ANO6: variants seen among roughly 807,000 people sequenced by gnomAD.
ANO6 encodes anoctamin-6.
A neutral mutation model predicts 117.5 loss-of-function variants in ANO6; 106 were observed. That is an observed-to-expected ratio of 0.90 (90% CI 0.77 to 1.06). ANO6 has a LOEUF of 1.06. ANO6 is among the 50% of genes least tolerant of loss of function. The pLI is 0.00. For missense variants in ANO6, 955 were observed against 1,121.1 expected, an observed-to-expected ratio of 0.85 and a Z score of 2.12; for synonymous variants, 367 against 385.1, an observed-to-expected ratio of 0.95 and a Z score of 0.55.
At chr12:45,275,071 A>G (rs1938510666) in intron 1 of ANO6, among the ~76,000 whole-genome samples, 1 of 151,876 alleles carries the variant, frequency 6.6e-6, no homozygotes, top group South Asian at 2.1e-4. Flanking sequence ...GGTGCTCGAT[A>G]AGTTGTATGA....
At chr12:45,294,077 G>T (rs1195053922) in intron 1 of ANO6, among the ~76,000 whole-genome samples, 1 of 152,096 alleles carries the variant, frequency 6.6e-6, no homozygotes, top group African/African-American at 2.4e-5. Flanking sequence ...ATGGGAATGT[G>T]CATTCCAGGT....
At chr12:45,377,954 A>G (rs1194266917) in intron 9 of ANO6, 99 bp from the exon 10 acceptor site, 1 of 1,180,144 alleles carries the variant, frequency 8.5e-7, no homozygotes, top group African/African-American at 1.5e-5. Context: ...CACCTTTGAA[A>G]AGAACTTCAA....
intron 7 of ANO6, among the ~76,000 whole-genome samples, chr12:45,354,200 G>A (rs564756854): frequency 8.3e-5 from 12 of 144,034 alleles, no homozygotes; most frequent in African/African-American, 3.5e-4. Context: ...AGCTCAGAAC[G>A]CTGGGGACAA....
At chr12:45,346,170 G>T (rs1168808918) in intron 3 of ANO6, among the ~76,000 whole-genome samples, 1 of 152,000 alleles carries the variant, frequency 6.6e-6, no homozygotes, top group Admixed American at 6.6e-5. Context: ...ATGATTTTTG[G>T]GGGACATATT....
intron 1 of ANO6, among the ~76,000 whole-genome samples, chr12:45,283,123 C>T (rs939278431): frequency 5.9e-5 from 9 of 152,140 alleles, no homozygotes; most frequent in African/African-American, 7.2e-5. Flanking sequence ...AACATCTTAA[C>T]GTACTTATGC....
intron 10 of ANO6, among the ~76,000 whole-genome samples, chr12:45,383,813 T>A (rs1244645407): frequency 6.6e-6 from 1 of 152,220 alleles, no homozygotes; most frequent in Non-Finnish European, 1.5e-5. Context: ...TTTCACATAA[T>A]TCTTAAAGGC....
intron 1 of ANO6, among the ~76,000 whole-genome samples, chr12:45,253,905 A>G (rs915314390): frequency 1.3e-5 from 2 of 152,240 alleles, no homozygotes; most frequent in Admixed American, 1.3e-4. Flanking sequence ...GTGGTGGCTC[A>G]TGCCTGTAAT....
chr12:45,241,982 T>A (rs1470626844), intron 1 of ANO6, among the ~76,000 whole-genome samples: 1 of 152,206 alleles, frequency 6.6e-6, no homozygotes, highest in African/African-American at 2.4e-5. Flanking sequence ...GGTTTCTGTC[T>A]GCCCCTACTG....
rs1396624226 is a variant in ANO6, at chr12:45,431,993, AAAC to A, written c.*2685_*2687del. The A allele has an allele frequency of 3.0e-5, 30 of 985,254 alleles. No homozygotes were observed. In the Middle Eastern group the frequency reaches 1.5e-3, roughly 51 times the overall value. The allele number at this position is 985,254 out of a possible 1,614,324, so 61.0% of individuals were successfully genotyped here. A position where few individuals can be genotyped will look rare whatever the true frequency, so the allele number is the denominator to read the frequency against. On this transcript the variant is annotated 3_prime_UTR_variant, in exon 20 of 20. Transcript: ENST00000320560. ...AAGCTATCATTTTTATTTTAAAACT[AAAC>A]AAGGCCATCTTATAAACTGTCACCA... is the stretch of plus-strand genomic sequence containing the variant.
chr12:45,239,611 C>G (rs990493191), intron 1 of ANO6, among the ~76,000 whole-genome samples: 2 of 151,720 alleles, frequency 1.3e-5, no homozygotes, highest in Non-Finnish European at 2.9e-5. Flanking sequence ...TTTGCTCTTG[C>G]TTCTCTAGTT....
intron 1 of ANO6, among the ~76,000 whole-genome samples, chr12:45,271,641 G>A (rs1015625): frequency 0.92 from 139,994 of 152,234 alleles, 65,538 homozygotes; most frequent in East Asian, 1. Context: ...TACTGGAAAA[G>A]TATTTTCAGA....
At chr12:45,221,579 C>G (rs1947400099) in intron 1 of ANO6, among the ~76,000 whole-genome samples, 1 of 152,106 alleles carries the variant, frequency 6.6e-6, no homozygotes, top group African/African-American at 2.4e-5. Flanking sequence ...ATTGGATTTG[C>G]TTTTGGAAAG....
intron 16 of ANO6, among the ~76,000 whole-genome samples, chr12:45,412,602 T>A (rs528851883): frequency 1.3e-5 from 2 of 152,314 alleles, no homozygotes; most frequent in African/African-American, 4.8e-5. Context: ...TTCGAGCCCA[T>A]CACCTGCCAT....
chr12:45,223,383 G>C (rs768704789), intron 1 of ANO6, among the ~76,000 whole-genome samples: 2 of 152,144 alleles, frequency 1.3e-5, no homozygotes, highest in Non-Finnish European at 2.9e-5. Flanking sequence ...AGAATTGATT[G>C]CTTGCTTGTT....
At chr12:45,392,130 C>T (rs752852636) in intron 12 of ANO6, among the ~76,000 whole-genome samples, 4 of 152,176 alleles carry the variant, frequency 2.6e-5, no homozygotes, top group Admixed American at 6.5e-5. Flanking sequence ...TCTGGAAGAA[C>T]GGGACACCCC....
At chr12:45,343,850 C>T (rs569159735) in intron 3 of ANO6, among the ~76,000 whole-genome samples, 14 of 152,234 alleles carry the variant, frequency 9.2e-5, no homozygotes, top group African/African-American at 3.1e-4. Flanking sequence ...GTAACCTCTA[C>T]CATCTCTGGA....
chr12:45,331,543 C>A, intron 3 of ANO6, 120 bp downstream of exon 3: 1 of 969,308 alleles, frequency 1.0e-6, no homozygotes, highest in Non-Finnish European at 1.5e-6. Context: ...AAAACAGTTT[C>A]ATATTTTCTC....
intron 1 of ANO6, among the ~76,000 whole-genome samples, chr12:45,262,907 A>G (rs575129700): frequency 1.3e-5 from 2 of 152,190 alleles, no homozygotes; most frequent in South Asian, 2.1e-4. Context: ...TGAACAAAAC[A>G]TGGCTTTTGT....
chr12:45,281,248 A>G (rs1014269543), intron 1 of ANO6, among the ~76,000 whole-genome samples: 2 of 152,206 alleles, frequency 1.3e-5, no homozygotes, highest in African/African-American at 2.4e-5. Flanking sequence ...AGCAAACTAA[A>G]TAGGTACAGC....
Sources: allele counts gnomAD v4.1 joint callset (sites outside exome capture counted in the v4.1 genomes callset), GRCh38; gene constraint gnomAD v4.1.1; transcripts MANE v1.5; gene names NCBI Gene and HGNC (gene_info 2026-07-23, HGNC 2026-07-21).